Variants in TTC28 observed in about 807,000 individuals in gnomAD.
TTC28 encodes tetratricopeptide repeat protein 28.
In TTC28, 61 loss-of-function variants were observed where a neutral mutation model predicts 198.0. That is an observed-to-expected ratio of 0.31 (90% CI 0.25 to 0.38). The LOEUF is 0.38. Ranked by LOEUF, TTC28 falls within the 10% of genes least tolerant of loss-of-function variation. TTC28 has a pLI of 1.00. For synonymous variants in TTC28, 1,171 were observed against 1,297.8 expected (o/e 0.90, Z 2.10); for missense variants, 2,678 against 3,164.0 (o/e 0.85, Z 3.69).
At chr22:28,548,399 A>G (rs987448393) in intron 2 of TTC28, among the ~76,000 whole-genome samples, 1 of 152,154 alleles carries the variant, frequency 6.6e-6, no homozygotes, top group Non-Finnish European at 1.5e-5. Flanking sequence ...CAACATGGCA[A>G]TCTCTGAACA....
At chr22:28,528,737 T>TAAAAAA (rs5844812) in intron 2 of TTC28, among the ~76,000 whole-genome samples, 16 of 89,922 alleles carry the variant, frequency 1.8e-4, no homozygotes, top group Non-Finnish European at 2.7e-4. Flanking sequence ...CCCTGTCTCA[T>TAAAAAA]AAAAAAAAAA....
chr22:28,498,257 G>A (rs1030382390), intron 2 of TTC28, among the ~76,000 whole-genome samples: 9 of 152,190 alleles, frequency 5.9e-5, no homozygotes, highest in African/African-American at 1.4e-4. Flanking sequence ...GATCAACCAC[G>A]ATAAGGTTCA....
intron 5 of TTC28, among the ~76,000 whole-genome samples, chr22:28,281,192 T>C (rs2044575683): frequency 6.6e-6 from 1 of 152,160 alleles, no homozygotes; most frequent in South Asian, 2.1e-4. Context: ...TTTGCATCAT[T>C]ATCTCTGTTT....
intron 2 of TTC28, among the ~76,000 whole-genome samples, chr22:28,433,375 C>CT (rs2047463712): frequency 6.6e-6 from 1 of 152,146 alleles, no homozygotes; most frequent in Non-Finnish European, 1.5e-5. Flanking sequence ...GGCCCTCCCC[C>CT]TTAAAGTACC....
rs72424697 is a variant in TTC28, at chr22:28,286,003, A to AT, written c.933+10194dup. 2.8e-3 allele frequency among the ~76,000 whole-genome samples: 407 copies of AT among 145,538 alleles called. 1 individual carries two copies. Among genetic ancestry groups the AT allele is most frequent in the Admixed American group, 5.2e-3 (75 of 14,484 alleles). ...CATTAAAAGAGGTTCAAGATTATTA[A>AT]TTTTTTTTTTTTTTGAGACAGAATC... On this transcript the variant is annotated intron_variant, in intron 5 of 22. Transcript: ENST00000397906.
At chr22:28,021,083 G>T (rs1938577072) in intron 13 of TTC28, among the ~76,000 whole-genome samples, 1 of 152,192 alleles carries the variant, frequency 6.6e-6, no homozygotes, top group South Asian at 2.1e-4. Context: ...CCTTGGCAGA[G>T]AAGCGTCTAC....
At chr22:28,333,636 A>T (rs1050812824) in intron 2 of TTC28, among the ~76,000 whole-genome samples, 10 of 152,204 alleles carry the variant, frequency 6.6e-5, no homozygotes, top group African/African-American at 2.4e-4. Context: ...AGCTACACCT[A>T]TTTCCAGAAA....
At chr22:28,099,126 A>T (rs1942063332) in intron 9 of TTC28, 82 bp from the exon 10 acceptor site, 1 of 1,508,512 alleles carries the variant, frequency 6.6e-7, no homozygotes, top group South Asian at 1.3e-5. Context: ...ACTTTTGCTC[A>T]TATCTTTGTG....
intron 1 of TTC28, among the ~76,000 whole-genome samples, chr22:28,645,566 G>A (rs542790784): frequency 4.3e-4 from 65 of 151,356 alleles, no homozygotes; most frequent in African/African-American, 1.5e-3. Flanking sequence ...GTCCAGGGGT[G>A]CAGGGAGCCA....
chr22:27,979,258 T>A lies in TTC28; in HGVS notation c.*2963A>T, dbSNP rs1828856028. 1 of 152,088 alleles carries A rather than the reference T, an allele frequency of 6.6e-6. No homozygotes were observed. Among genetic ancestry groups the A allele is most frequent in the African/African-American group, 2.4e-5 (1 of 41,396 alleles). 9.4% of individuals were successfully genotyped at this position (152,088 alleles called of 1,614,324 possible). On this transcript the variant is annotated 3_prime_UTR_variant, in exon 23 of 23. Transcript: ENST00000397906. ...AGTTTGGGAGGCCAAGGCGGGCGGA[T>A]CCCCTGAGGTCAGGAGTTCGAGACC...
At chr22:28,094,428 A>T (rs1941909530) in intron 11 of TTC28, among the ~76,000 whole-genome samples, 183 bp from the exon 12 acceptor site, 1 of 152,220 alleles carries the variant, frequency 6.6e-6, no homozygotes, top group African/African-American at 2.4e-5. Context: ...TTTGGTCAGT[A>T]TCCTTTTCAC....
intron 2 of TTC28, among the ~76,000 whole-genome samples, chr22:28,424,236 CAA>C (rs2047310287): frequency 6.6e-6 from 1 of 152,038 alleles, no homozygotes; most frequent in Non-Finnish European, 1.5e-5. Context: ...AATAAACAAA[CAA>C]ATAAGTAAAT....
chr22:28,087,102 T>C (rs1668800284), intron 12 of TTC28, among the ~76,000 whole-genome samples: 1 of 152,138 alleles, frequency 6.6e-6, no homozygotes, highest in Non-Finnish European at 1.5e-5. Flanking sequence ...ACTGGTACCA[T>C]TCCTTCTGAA....
At chr22:28,604,093 C>T (rs542311929) in intron 2 of TTC28, among the ~76,000 whole-genome samples, 7 of 151,586 alleles carry the variant, frequency 4.6e-5, no homozygotes, top group South Asian at 2.1e-4. Context: ...GCCTGGCCAA[C>T]GTGGCGAAAC....
intron 2 of TTC28, among the ~76,000 whole-genome samples, chr22:28,501,683 T>A (rs1394835501): frequency 2.6e-5 from 4 of 152,208 alleles, no homozygotes; most frequent in Non-Finnish European, 5.9e-5. Context: ...AAATATTACA[T>A]ATCAATGCAA....
chr22:28,517,253 T>C (rs2048807794), intron 2 of TTC28, among the ~76,000 whole-genome samples: 1 of 152,190 alleles, frequency 6.6e-6, no homozygotes. Context: ...GGTTTCCAGC[T>C]TCATCCATGT....
chr22:28,153,058 T>C (rs1021906723), intron 6 of TTC28, among the ~76,000 whole-genome samples: 1 of 152,186 alleles, frequency 6.6e-6, no homozygotes, highest in African/African-American at 2.4e-5. Flanking sequence ...ATTATATAGA[T>C]AATATGTAAC....
chr22:27,985,804 C>CA (rs2146503095), intron 21 of TTC28: 1 of 159,688 alleles, frequency 6.3e-6, no homozygotes, highest in East Asian at 1.8e-4. Flanking sequence ...AGGGCAAAGA[C>CA]AATGCCTTCA....
chr22:28,461,055 T>TA (rs1416384929), intron 2 of TTC28, among the ~76,000 whole-genome samples: 1 of 152,234 alleles, frequency 6.6e-6, no homozygotes, highest in Non-Finnish European at 1.5e-5. Flanking sequence ...AGGATCTGTT[T>TA]ATCTACGGTC....
Sources: gnomAD v4.1 joint callset for allele counts (sites outside exome capture counted in the v4.1 genomes callset) on GRCh38, gnomAD v4.1.1 for gene constraint, MANE v1.5 for transcripts, NCBI Gene and HGNC (gene_info 2026-07-23, HGNC 2026-07-21) for gene names.